The following LARP4B variants were observed in gnomAD, a reference collection of about 807,000 sequenced individuals.
LARP4B encodes the protein la-related protein 4B.
A neutral mutation model predicts 89.8 loss-of-function variants in LARP4B; 12 were observed. The ratio of observed to expected loss-of-function variants is 0.13; its 90% CI spans 0.09 to 0.22. LARP4B has a LOEUF of 0.22. Among genes scored for constraint, LARP4B ranks in the 10% least tolerant of loss-of-function variants. LARP4B has a pLI of 1.00. For missense variants in LARP4B, 757 were observed against 947.7 expected (o/e 0.80, Z 2.64); for synonymous variants, 367 against 363.3 (o/e 1.01, Z -0.12).
Position 829,526 on chromosome 10 carries a change from G to C in LARP4B, c.984C>G (p.Asp328Glu). 2 of 1,614,180 alleles carry C rather than the reference G, an allele frequency of 1.2e-6. No homozygotes were observed. Among genetic ancestry groups the C allele is most frequent in the Non-Finnish European group, 1.7e-6 (2 of 1,180,038 alleles). ...FLPKNGFRPL[D>E]VSLYAQQRYA... The stretch of plus-strand genomic sequence containing the variant: ...AGCGCTGCTGGGCATACAGGCTCAC[G>C]TCCAGGGGTCTAAATCCATTCTTTG... Residue 328 changes from aspartate to glutamate, a missense_variant, in exon 11 of 18, where the codon GAC (aspartate) becomes GAG (glutamate). By Grantham distance (45) the Asp-to-Glu change is conservative (BLOSUM62 2). Around this residue, in one of 5 missense-constraint regions of LARP4B, gnomAD observed 137 missense variants for 213.9 expected, o/e 0.64. Transcript: ENST00000316157.
intron 1 of LARP4B, among the ~76,000 whole-genome samples, chr10:892,664 C>G (rs898945134): frequency 6.6e-6 from 1 of 151,004 alleles, no homozygotes. Context: ...CTCAGCCTCC[C>G]GAGTAGCTGG....
chr10:839,331 T>C (rs1833398261), intron 7 of LARP4B, among the ~76,000 whole-genome samples: 1 of 152,234 alleles, frequency 6.6e-6, no homozygotes, highest in Non-Finnish European at 1.5e-5. Context: ...AATGTTCATA[T>C]GGGAAGAGGC....
chr10:911,351 G>C (rs1405923315), intron 1 of LARP4B, among the ~76,000 whole-genome samples: 1 of 151,264 alleles, frequency 6.6e-6, no homozygotes, highest in Non-Finnish European at 1.5e-5. Flanking sequence ...TGTTTTTTTG[G>C]AAGGAAAAAA....
intron 3 of LARP4B, among the ~76,000 whole-genome samples, chr10:874,026 G>A (rs373572948): frequency 6.6e-6 from 1 of 152,096 alleles, no homozygotes; most frequent in African/African-American, 2.4e-5. Flanking sequence ...GAGGTCAGGA[G>A]TTTCAAGACC....
At chr10:900,919 CTTTTT>C (rs34586444) in intron 1 of LARP4B, among the ~76,000 whole-genome samples, 1 of 101,200 alleles carries the variant, frequency 9.9e-6, no homozygotes, top group Non-Finnish European at 2.0e-5. Flanking sequence ...CGCCTGGCCT[CTTTTT>C]TTTTTTTTTT....
intron 7 of LARP4B, among the ~76,000 whole-genome samples, chr10:841,117 C>T (rs141868373): frequency 0.021 from 3,214 of 152,306 alleles, 63 homozygotes; most frequent in Admixed American, 0.06. Flanking sequence ...GACACCACTG[C>T]ACTCCAGCCT....
intron 7 of LARP4B, among the ~76,000 whole-genome samples, chr10:842,030 A>G (rs892860106): frequency 6.6e-6 from 1 of 152,108 alleles, no homozygotes; most frequent in Non-Finnish European, 1.5e-5. Context: ...GCCAGGGACA[A>G]CGTGAAAACC....
intron 7 of LARP4B, among the ~76,000 whole-genome samples, chr10:841,568 G>A (rs955327741): frequency 4.6e-5 from 7 of 152,208 alleles, no homozygotes; most frequent in Non-Finnish European, 7.3e-5. Context: ...ATCCCAGTGG[G>A]GCAGCAGCGT....
At chr10:979,673 C>T in the LARP4B span, among the ~76,000 whole-genome samples, 1 of 152,204 alleles carries the variant, frequency 6.6e-6, no homozygotes, top group Non-Finnish European at 1.5e-5. Context: ...GCTAACACTT[C>T]TGTTAATAGT....
chr10:957,283 C>T, the LARP4B span, among the ~76,000 whole-genome samples: 2 of 152,182 alleles, frequency 1.3e-5, no homozygotes, highest in African/African-American at 2.4e-5. Flanking sequence ...CTGCCTCAGC[C>T]TCCCGAGTAG....
At chr10:841,323 A>G (rs1200568670) in intron 7 of LARP4B, among the ~76,000 whole-genome samples, 1 of 152,216 alleles carries the variant, frequency 6.6e-6, no homozygotes, top group Non-Finnish European at 1.5e-5. Context: ...AGGCATGTAC[A>G]TTTCTGTCCA....
chr10:849,592 A>G (rs146435346), intron 5 of LARP4B, among the ~76,000 whole-genome samples: 1 of 152,178 alleles, frequency 6.6e-6, no homozygotes, highest in Non-Finnish European at 1.5e-5. Flanking sequence ...ATGGAGGGGG[A>G]CCATAAATCC....
At chr10:957,683 A>G in the LARP4B span, among the ~76,000 whole-genome samples, 1 of 152,102 alleles carries the variant, frequency 6.6e-6, no homozygotes. Context: ...TATAATAAAA[A>G]TTTTATAAGG....
chr10:974,551 A>C, the LARP4B span, among the ~76,000 whole-genome samples: 1 of 152,122 alleles, frequency 6.6e-6, no homozygotes, highest in Admixed American at 6.5e-5. Flanking sequence ...TGCTCTCGGG[A>C]CTAGAAATAA....
intron 1 of LARP4B, among the ~76,000 whole-genome samples, chr10:900,662 C>T (rs574483856): frequency 8.9e-5 from 13 of 145,996 alleles, no homozygotes; most frequent in African/African-American, 3.0e-4. Context: ...CTCTGTTGCC[C>T]AGGCTGGAGT....
chr10:808,738 T>TGA (rs1454275879), downstream of LARP4B: 4 of 142,778 alleles, frequency 2.8e-5, no homozygotes, highest in Admixed American at 2.7e-4. Flanking sequence ...TGTGTGTGTG[T>TGA]GTGCGTGTGC....
intron 3 of LARP4B, among the ~76,000 whole-genome samples, chr10:870,662 T>G (rs1835156315): frequency 1.3e-5 from 2 of 152,222 alleles, no homozygotes; most frequent in South Asian, 4.1e-4. Flanking sequence ...ACCCAGGCAG[T>G]CAGTAATTCT....
At chr10:856,285 A>T (rs1834298726) in intron 5 of LARP4B, among the ~76,000 whole-genome samples, 1 of 152,214 alleles carries the variant, frequency 6.6e-6, no homozygotes, top group East Asian at 1.9e-4. Context: ...TAATAAAACA[A>T]CCCAATAAGA....
Position 829,477 on chromosome 10 carries a change from G to A in LARP4B, c.1033C>T (p.Pro345Ser). 1 of 1,614,202 alleles carries A rather than the reference G, an allele frequency of 6.2e-7. No homozygotes were observed. The highest frequency in any genetic ancestry group is 8.5e-7 in the Non-Finnish European group (1 of 1,180,034). Reference protein sequence around the residue: ...QRYATSFYFPPMYSPQQQFPL... With the variant: ...QRYATSFYFPSMYSPQQQFPL... ...AACTGCTGCTGGGGGCTGTACATGG[G>A]AGGGAAGTAGAACGACGTCGCGTAG... Residue 345 changes from proline to serine, a missense_variant, in exon 11 of 18, where the codon CCC becomes TCC. Physicochemically the swap from Pro to Ser is moderately conservative, Grantham distance 74 (BLOSUM62 -1). Coordinates refer to ENST00000316157, the MANE Select transcript of LARP4B (RefSeq NM_015155.3).
Sources: gnomAD v4.1 joint callset for allele counts (sites outside exome capture counted in the v4.1 genomes callset) on GRCh38, gnomAD v4.1.1 for gene constraint, gnomAD v4.1.1 regional missense constraint, MANE v1.5 for transcripts, NCBI Gene and HGNC (gene_info 2026-07-23, HGNC 2026-07-21) for gene names.